The following CHN1 variants were observed in gnomAD, a reference collection of about 807,000 sequenced individuals.
CHN1 encodes the protein chimerin 1, also known as N-chimaerin.
CHN1 carries 37 observed loss-of-function variants against 59.5 expected under a neutral mutation model. That is an observed-to-expected ratio of 0.62 (90% CI 0.48 to 0.82). CHN1 has a LOEUF of 0.82. Among genes scored for constraint, CHN1 ranks in the 40% least tolerant of loss-of-function variants. CHN1 has a pLI of 0.00. For synonymous variants in CHN1, 206 were observed against 200.4 expected (o/e 1.03, Z -0.24); for missense variants, 469 against 571.0 (o/e 0.82, Z 1.82).
rs1250089079 is a variant in CHN1, at chr2:174,907,900, T to C, written c.260+7158A>G. 2.0e-5 allele frequency among the ~76,000 whole-genome samples: 3 copies of C among 152,190 alleles called. No homozygotes were observed. The East Asian group carries it at 5.8e-4, about 29-fold the overall frequency. On this transcript the variant is annotated intron_variant, in intron 5 of 12. Coordinates refer to ENST00000409900, the MANE Select transcript of CHN1 (RefSeq NM_001822.7). ...TTCTGAATTTATGAAATGTGACATA[T>C]TTTTAAAAGAAAATATAATTTTCCC... is the stretch of plus-strand genomic sequence containing the variant.
Position 175,004,932 on chromosome 2 carries a change from G to A in CHN1, c.-20C>T, listed in dbSNP as rs1170852142. 1 of 1,529,864 alleles carries A rather than the reference G, an allele frequency of 6.5e-7. No individual in the cohort carries two copies. The highest frequency in any genetic ancestry group is 2.0e-5 in the Admixed American group (1 of 50,100). The allele number at this position is 1,529,864 out of a possible 1,614,324, so 94.8% of individuals were successfully genotyped here. ...GGCCATTGTAAAGGCGCTCGCCGCC[G>A]CCCGCGAGTCCAGGCGCTCCTCCCA... On this transcript the variant is annotated 5_prime_UTR_variant, in exon 1 of 13. Coordinates refer to ENST00000409900, the MANE Select transcript of CHN1 (RefSeq NM_001822.7).
chr2:174,804,695 C>T (rs1426174083), intron 11 of CHN1, among the ~76,000 whole-genome samples: 1 of 152,132 alleles, frequency 6.6e-6, no homozygotes, highest in Admixed American at 6.5e-5. Context: ...CATGAATGAT[C>T]CAGGTTTTTG....
chr2:174,954,745 A>T (rs2105416446), intron 1 of CHN1, among the ~76,000 whole-genome samples: 1 of 152,290 alleles, frequency 6.6e-6, no homozygotes, highest in South Asian at 2.1e-4. Context: ...CAATATGTTA[A>T]CACCTCACTC....
chr2:174,951,346 G>C (rs533389037), intron 2 of CHN1, among the ~76,000 whole-genome samples: 2 of 152,232 alleles, frequency 1.3e-5, no homozygotes, highest in East Asian at 3.9e-4. Flanking sequence ...CTGAATTGCT[G>C]TTCCTTCAGT....
chr2:174,903,044 G>A (rs566302125), intron 5 of CHN1, among the ~76,000 whole-genome samples: 3 of 152,258 alleles, frequency 2.0e-5, no homozygotes, highest in African/African-American at 7.2e-5. Flanking sequence ...TGTAAAGATT[G>A]TATTACCCTC....
intron 1 of CHN1, among the ~76,000 whole-genome samples, chr2:174,974,938 G>C (rs971281338): frequency 1.1e-3 from 105 of 94,274 alleles, no homozygotes; most frequent in African/African-American, 3.9e-3. Flanking sequence ...CACACACACA[G>C]AACAAATCGA....
chr2:174,954,873 C>T lies in CHN1; in HGVS notation c.20-2671G>A, dbSNP rs1928491. ...AACTAGTACAATCACTATGGAAAAC[C>T]GTGTGGAGATTCCTTAAAGAACTAA... On this transcript the variant is annotated intron_variant, in intron 1 of 12. Coordinates refer to ENST00000409900, the MANE Select transcript of CHN1 (RefSeq NM_001822.7). Among the ~76,000 whole-genome samples the T allele has an allele frequency of 7.0e-3, 1,059 of 152,042 alleles. 14 individuals are homozygous for T. Among genetic ancestry groups the T allele is most frequent in the Admixed American group, 0.032 (484 of 15,244 alleles).
At chr2:174,917,560 C>T (rs1248884761) in intron 4 of CHN1, among the ~76,000 whole-genome samples, 2 of 151,948 alleles carry the variant, frequency 1.3e-5, no homozygotes, top group South Asian at 2.1e-4. Flanking sequence ...AAATTTCTAA[C>T]CCCCAAGACC....
intron 3 of CHN1, among the ~76,000 whole-genome samples, chr2:174,939,306 C>T (rs1183990811): frequency 6.6e-6 from 1 of 152,120 alleles, no homozygotes; most frequent in Non-Finnish European, 1.5e-5. Flanking sequence ...ATTTATCGTA[C>T]CTTAATGTCA....
intron 10 of CHN1, among the ~76,000 whole-genome samples, chr2:174,809,917 A>C (rs1000138239): frequency 6.6e-6 from 1 of 152,222 alleles, no homozygotes; most frequent in African/African-American, 2.4e-5. Context: ...AAAATGTAGC[A>C]GAGGTATAAT....
intron 10 of CHN1, chr2:174,811,099 TA>T (rs1192185818): frequency 2.0e-5 from 3 of 153,686 alleles, no homozygotes; most frequent in African/African-American, 7.2e-5. Context: ...CTCACTCAGC[TA>T]ATCGAAGATG....
At chr2:174,916,919 C>T (rs951519611) in intron 4 of CHN1, among the ~76,000 whole-genome samples, 1 of 152,190 alleles carries the variant, frequency 6.6e-6, no homozygotes, top group Non-Finnish European at 1.5e-5. Flanking sequence ...TGGCTGGGCG[C>T]AGTAGCTCAC....
At chr2:174,981,512 T>C (rs528533045) in intron 1 of CHN1, among the ~76,000 whole-genome samples, 20 of 152,334 alleles carry the variant, frequency 1.3e-4, no homozygotes, top group Non-Finnish European at 2.2e-4. Context: ...GAAACATCTA[T>C]TGCATTCCTA....
intron 6 of CHN1, 78 bp from the exon 7 acceptor site, chr2:174,847,035 C>T (rs1686543511): frequency 1.3e-6 from 2 of 1,551,582 alleles, no homozygotes; most frequent in Non-Finnish European, 1.7e-6. Flanking sequence ...ATTCCCAAGG[C>T]TGCTATCAAT....
intron 1 of CHN1, among the ~76,000 whole-genome samples, chr2:174,994,244 C>T (rs1323975447): frequency 6.6e-6 from 1 of 152,102 alleles, no homozygotes; most frequent in African/African-American, 2.4e-5. Flanking sequence ...CTATTTTATT[C>T]GAGCTTTTGT....
At chr2:174,959,720 AG>A (rs1690338501) in intron 1 of CHN1, among the ~76,000 whole-genome samples, 1 of 152,222 alleles carries the variant, frequency 6.6e-6, no homozygotes, top group African/African-American at 2.4e-5. Flanking sequence ...TCACACAAAA[AG>A]CTTCTGCGTT....
intron 3 of CHN1, among the ~76,000 whole-genome samples, chr2:174,944,066 C>T (rs779583222): frequency 1.3e-5 from 2 of 152,128 alleles, no homozygotes; most frequent in Non-Finnish European, 2.9e-5. Context: ...ACATAGAAAT[C>T]TTCCTTATTT....
At chr2:174,839,030 A>G (rs1049299964) in intron 7 of CHN1, among the ~76,000 whole-genome samples, 2 of 152,032 alleles carry the variant, frequency 1.3e-5, no homozygotes, top group African/African-American at 4.8e-5. Flanking sequence ...AAAAAAAAAA[A>G]ATTTAGAAGA....
Position 175,005,251 on chromosome 2 carries a change from G to A in CHN1, c.-339C>T. 1 of 1,178,382 alleles carries A rather than the reference G, an allele frequency of 8.5e-7. No homozygotes were observed. The highest frequency in any genetic ancestry group is 2.2e-5 in the South Asian group (1 of 45,520). 73.0% of individuals were successfully genotyped at this position (1,178,382 alleles called of 1,614,324 possible). On this transcript the variant is annotated 5_prime_UTR_variant, in exon 1 of 13. Transcript: ENST00000409900. ...CCGCGGCGCAGTGGCTGGCGGAGAG[G>A]CGGCGCCGCACTGGCGGCGGCGGCG...
Sources: allele counts gnomAD v4.1 joint callset (sites outside exome capture counted in the v4.1 genomes callset), GRCh38; gene constraint gnomAD v4.1.1; transcripts MANE v1.5; gene names NCBI Gene and HGNC (gene_info 2026-07-23, HGNC 2026-07-21).